SLC36A1: variants seen among roughly 807,000 people sequenced by gnomAD.
The protein encoded by SLC36A1 is solute carrier family 36 member 1.
SLC36A1 carries 30 observed loss-of-function variants against 47.5 expected under a neutral mutation model. The ratio of observed to expected loss-of-function variants is 0.63; its 90% CI spans 0.47 to 0.86. SLC36A1 has a LOEUF of 0.86. SLC36A1 is among the 40% of genes least tolerant of loss of function. SLC36A1 has a pLI of 0.00. For missense variants in SLC36A1, 517 were observed against 606.0 expected (o/e 0.85, Z 1.54); for synonymous variants, 255 against 249.7 (o/e 1.02, Z -0.20).
chr5:151,392,330 G>T, the SLC36A1 span, among the ~76,000 whole-genome samples: 2 of 151,920 alleles, frequency 1.3e-5, no homozygotes, highest in Admixed American at 6.6e-5. Flanking sequence ...TATCAATTTT[G>T]CTGATCTTTT....
At chr5:151,416,508 T>G in the SLC36A1 span, among the ~76,000 whole-genome samples, 1 of 152,228 alleles carries the variant, frequency 6.6e-6, no homozygotes, top group Non-Finnish European at 1.5e-5. Context: ...GGACCTTTGC[T>G]AAATTGACAA....
intron 10 of SLC36A1, among the ~76,000 whole-genome samples, chr5:151,483,964 T>A (rs1259251212): frequency 6.6e-6 from 1 of 152,226 alleles, no homozygotes; most frequent in Non-Finnish European, 1.5e-5. Context: ...CTATTAAGGA[T>A]ATTTTTATTA....
the SLC36A1 span, chr5:151,412,474 A>G: frequency 6.9e-6 from 1 of 144,166 alleles, no homozygotes; most frequent in Non-Finnish European, 1.5e-5. Context: ...TGTTCTACAT[A>G]CACACACATA....
chr5:151,515,560 C>G, the SLC36A1 span, among the ~76,000 whole-genome samples: 1 of 152,190 alleles, frequency 6.6e-6, no homozygotes, highest in Non-Finnish European at 1.5e-5. Flanking sequence ...CCACCCATAC[C>G]CTTCCCCAGG....
upstream of SLC36A1, among the ~76,000 whole-genome samples, chr5:151,432,950 C>T (rs1021519918): frequency 6.6e-6 from 1 of 151,760 alleles, no homozygotes; most frequent in Non-Finnish European, 1.5e-5. Flanking sequence ...TTATGAAATC[C>T]TAAGCAGAGG....
At chr5:151,436,447 A>G (rs959576264), upstream of SLC36A1, among the ~76,000 whole-genome samples, 5 of 152,002 alleles carry the variant, frequency 3.3e-5, no homozygotes, top group East Asian at 1.9e-4. Flanking sequence ...GCACCTTCCT[A>G]TGGCAAATTA....
At chr5:151,480,002 A>G (rs572390202) in intron 10 of SLC36A1, 37 of 840,434 alleles carry the variant, frequency 4.4e-5, no homozygotes, top group South Asian at 4.4e-4. Context: ...TGATTAACCT[A>G]GGTATTTGAT....
the SLC36A1 span, chr5:151,544,452 T>C: frequency 4.2e-5 from 67 of 1,614,156 alleles, no homozygotes; most frequent in East Asian, 7.4e-4. Context: ...CTGTTACTGT[T>C]AGGACACCAG....
chr5:151,543,229 A>T, the SLC36A1 span: 4 of 1,614,126 alleles, frequency 2.5e-6, no homozygotes, highest in Non-Finnish European at 3.4e-6. Flanking sequence ...AATTTCAATG[A>T]CATCTTTAAC....
chr5:151,414,198 C>G, the SLC36A1 span, among the ~76,000 whole-genome samples: 2 of 148,438 alleles, frequency 1.3e-5, no homozygotes, highest in African/African-American at 5.3e-5. Context: ...AGTGATTCCG[C>G]TGTGTGACTC....
chr5:151,369,671 A>G, the SLC36A1 span, among the ~76,000 whole-genome samples: 21,471 of 152,234 alleles, frequency 0.14, 4,234 homozygotes, highest in African/African-American at 0.45. Context: ...TTGTAGATAC[A>G]GGGTCTCGCT....
chr5:151,456,139 CT>C (rs997621867), intron 1 of SLC36A1, among the ~76,000 whole-genome samples: 14 of 152,084 alleles, frequency 9.2e-5, no homozygotes, highest in African/African-American at 3.4e-4. Flanking sequence ...TCTTCAGATG[CT>C]TTTGGTTTGT....
rs78371590 is a variant in SLC36A1, at chr5:151,456,998, A to T, written c.-5-1790A>T. 6.6e-4 allele frequency among the ~76,000 whole-genome samples: 101 copies of T among 152,320 alleles called. 1 individual carries two copies. The East Asian group carries it at 0.013, about 20-fold the overall frequency. On this transcript the variant is annotated intron_variant, in intron 1 of 10. Transcript: ENST00000243389. ...TAGAGTGCCCAGGCTTAAGGTGGGC[A>T]TCCAGCCACATGCCGGAGGACAGTC...
At chr5:151,451,633 A>T (rs1390830071) in intron 1 of SLC36A1, among the ~76,000 whole-genome samples, 1 of 152,236 alleles carries the variant, frequency 6.6e-6, no homozygotes, top group Non-Finnish European at 1.5e-5. Context: ...CAGGCAACAT[A>T]TCTAACATTT....
the SLC36A1 span, among the ~76,000 whole-genome samples, chr5:151,499,284 T>TC: frequency 2.6e-5 from 4 of 152,216 alleles, no homozygotes; most frequent in African/African-American, 9.6e-5. Context: ...CTAGAAGCAG[T>TC]CAGAGGCTGC....
At chr5:151,375,607 A>T in the SLC36A1 span, among the ~76,000 whole-genome samples, 128 of 152,194 alleles carry the variant, frequency 8.4e-4, 1 homozygote, top group Admixed American at 1.4e-3. Context: ...AAGAATGAGC[A>T]TGGAATTTTA....
chr5:151,518,368 A>ATTATTATT, the SLC36A1 span, among the ~76,000 whole-genome samples: 21 of 82,414 alleles, frequency 2.5e-4, no homozygotes, highest in South Asian at 9.9e-3. Context: ...TAATAATAAT[A>ATTATTATT]ATAATAATTT....
At chr5:151,458,308 A>G (rs767675548) in intron 1 of SLC36A1, among the ~76,000 whole-genome samples, 18,071 of 79,782 alleles carry the variant, frequency 0.23, 1,271 homozygotes, top group East Asian at 0.44. Context: ...ACACGTGTAT[A>G]TACGTATATA....
At chr5:151,356,661 TCAAAGA>T in the SLC36A1 span, among the ~76,000 whole-genome samples, 1 of 152,104 alleles carries the variant, frequency 6.6e-6, no homozygotes, top group African/African-American at 2.4e-5. Context: ...ATCCACTTAC[TCAAAGA>T]CAAGGAAGCA....
Sources: gnomAD v4.1 joint callset for allele counts (sites outside exome capture counted in the v4.1 genomes callset) on GRCh38, gnomAD v4.1.1 for gene constraint, MANE v1.5 for transcripts, NCBI Gene and HGNC (gene_info 2026-07-23, HGNC 2026-07-21) for gene names.